TCEA1: variants seen among roughly 807,000 people sequenced by gnomAD.
TCEA1 encodes the protein transcription elongation factor A protein 1.
In TCEA1, 21 loss-of-function variants were observed where a neutral mutation model predicts 43.8. That is an observed-to-expected ratio of 0.48 (90% CI 0.34 to 0.69). The LOEUF is 0.69. Ranked by LOEUF, TCEA1 falls within the 30% of genes least tolerant of loss-of-function variation. The probability of loss-of-function intolerance (pLI) is 0.01; values close to 1 mark genes in which losing one functional copy is unlikely to be tolerated. For synonymous variants in TCEA1, 104 were observed against 117.5 expected (o/e 0.88, Z 0.75); for missense variants, 250 against 365.1 (o/e 0.68, Z 2.57).
At chr8:53,991,420 C>T (rs189085129) in intron 4 of TCEA1, among the ~76,000 whole-genome samples, 10 of 150,408 alleles carry the variant, frequency 6.6e-5, no homozygotes, top group East Asian at 3.9e-4. Flanking sequence ...CAAGGCTGGG[C>T]GCGGTGGCTC....
At chr8:53,980,584 G>A (rs530595637) in intron 7 of TCEA1, among the ~76,000 whole-genome samples, 1 of 152,226 alleles carries the variant, frequency 6.6e-6, no homozygotes, top group East Asian at 1.9e-4. Flanking sequence ...TGTTTTAGGG[G>A]CACCACTAAC....
intron 7 of TCEA1, among the ~76,000 whole-genome samples, chr8:53,982,891 G>A (rs1803557725): frequency 6.6e-6 from 1 of 152,192 alleles, no homozygotes; most frequent in Non-Finnish European, 1.5e-5. Flanking sequence ...GCATTTGACA[G>A]CACTGACTCC....
intron 8 of TCEA1, chr8:53,972,067 C>A (rs1803173523): frequency 4.1e-6 from 1 of 241,408 alleles, no homozygotes; most frequent in South Asian, 6.0e-5. Flanking sequence ...GATGTGAAAT[C>A]TCCCAAGATC....
At chr8:53,997,956 G>T (rs1324664961) in intron 3 of TCEA1, among the ~76,000 whole-genome samples, 1 of 152,136 alleles carries the variant, frequency 6.6e-6, no homozygotes, top group Non-Finnish European at 1.5e-5. Flanking sequence ...GGGAAATTCT[G>T]CCTTGAATAT....
chr8:54,020,997 G>T (rs1394660430), intron 1 of TCEA1, among the ~76,000 whole-genome samples: 1 of 152,110 alleles, frequency 6.6e-6, no homozygotes, highest in African/African-American at 2.4e-5. Flanking sequence ...AGACCAGCCT[G>T]GTTAAGATGG....
Position 53,967,749 on chromosome 8 carries a change from C to T in TCEA1, c.*355G>A. On this transcript the variant is annotated 3_prime_UTR_variant, in exon 10 of 10. Transcript: ENST00000521604. The stretch of plus-strand genomic sequence containing the variant: ...TGTATTTTCATTTATGTATTAATAA[C>T]AGAGAGTAACAGAATTTCTACTGTG... 1 of 247,066 alleles carries T rather than the reference C, an allele frequency of 4.0e-6. No homozygotes were observed. The highest frequency in any genetic ancestry group is 7.8e-6 in the Non-Finnish European group (1 of 128,190). The allele number at this position is 247,066 out of a possible 1,614,324, so 15.3% of individuals were successfully genotyped here. A position where few individuals can be genotyped will look rare whatever the true frequency, so the allele number is the denominator to read the frequency against.
chr8:54,003,111 T>A (rs529400859), intron 2 of TCEA1: 275 of 456,234 alleles, frequency 6.0e-4, no homozygotes, highest in African/African-American at 5.3e-3. Flanking sequence ...AAAAAACATA[T>A]AGCTACTGTA....
chr8:54,017,336 C>T (rs1681489729), intron 1 of TCEA1, among the ~76,000 whole-genome samples: 1 of 152,212 alleles, frequency 6.6e-6, no homozygotes, highest in African/African-American at 2.4e-5. Flanking sequence ...TTTCTTTCAC[C>T]TCTGCAACCC....
intron 1 of TCEA1, among the ~76,000 whole-genome samples, chr8:54,011,255 G>A (rs1423464144): frequency 6.6e-6 from 1 of 152,222 alleles, no homozygotes; most frequent in African/African-American, 2.4e-5. Context: ...TTTTGACTCA[G>A]ATTCAACAGT....
chr8:54,021,260 G>A (rs1335812435), intron 1 of TCEA1, among the ~76,000 whole-genome samples: 3 of 152,178 alleles, frequency 2.0e-5, no homozygotes, highest in Non-Finnish European at 4.4e-5. Context: ...AAATGGGCAA[G>A]CTGTAGAAAC....
intron 2 of TCEA1, among the ~76,000 whole-genome samples, chr8:54,005,163 C>T (rs898018037): frequency 6.6e-6 from 1 of 152,196 alleles, no homozygotes; most frequent in Non-Finnish European, 1.5e-5. Flanking sequence ...ATCTAACCCA[C>T]CTCTATGCTA....
intron 2 of TCEA1, chr8:54,003,160 AAC>A: frequency 2.3e-6 from 1 of 431,612 alleles, no homozygotes; most frequent in Non-Finnish European, 4.7e-6. Flanking sequence ...ATACATTTAA[AAC>A]ACACATATAT....
At chr8:53,973,118 G>A (rs1803214960) in intron 8 of TCEA1, 2 of 622,994 alleles carry the variant, frequency 3.2e-6, no homozygotes, top group South Asian at 1.4e-5. Flanking sequence ...TAGAAGAGGA[G>A]CTACAAGGTG....
At chr8:54,017,422 C>T (rs1473490100) in intron 1 of TCEA1, among the ~76,000 whole-genome samples, 1 of 152,166 alleles carries the variant, frequency 6.6e-6, no homozygotes, top group Non-Finnish European at 1.5e-5. Context: ...ACCTTTACGA[C>T]GACACATTTC....
intron 7 of TCEA1, among the ~76,000 whole-genome samples, chr8:53,981,927 C>CTTTCTTTT (rs1471246232): frequency 4.7e-5 from 6 of 128,154 alleles, no homozygotes; most frequent in African/African-American, 1.7e-4. Flanking sequence ...GCTAAGTTTT[C>CTTTCTTTT]TTTTTTTTTT....
chr8:53,994,546 A>T (rs891232631), intron 3 of TCEA1, among the ~76,000 whole-genome samples: 7 of 152,146 alleles, frequency 4.6e-5, no homozygotes, highest in Non-Finnish European at 8.8e-5. Flanking sequence ...AATGAACTAT[A>T]AAGTAATACA....
intron 3 of TCEA1, 89 bp downstream of exon 3, chr8:53,999,856 G>GT (rs1290030686): frequency 1.1e-6 from 1 of 908,064 alleles, no homozygotes. Context: ...AGAAAAAAAT[G>GT]TAACCATTAA....
At chr8:54,013,524 C>T (rs1804720784) in intron 1 of TCEA1, among the ~76,000 whole-genome samples, 1 of 151,482 alleles carries the variant, frequency 6.6e-6, no homozygotes, top group Non-Finnish European at 1.5e-5. Context: ...ACTAAAAATA[C>T]AAAAATTAGC....
chr8:54,021,722 T>C (rs1805039435), intron 1 of TCEA1: 1 of 218,256 alleles, frequency 4.6e-6, no homozygotes, highest in Non-Finnish European at 8.8e-6. Flanking sequence ...TTCTGAGGAC[T>C]TTCTACGCTT....
Sources: gnomAD v4.1 joint callset for allele counts (sites outside exome capture counted in the v4.1 genomes callset) on GRCh38, gnomAD v4.1.1 for gene constraint, MANE v1.5 for transcripts, NCBI Gene and HGNC (gene_info 2026-07-23, HGNC 2026-07-21) for gene names.